Variants in SIL1 observed in about 807,000 individuals in gnomAD.
SIL1 encodes nucleotide exchange factor SIL1.
Under a neutral mutation model 49.1 loss-of-function variants are expected in SIL1, and 40 were observed. The observed-to-expected ratio is 0.81, with a 90% confidence interval of 0.63 to 1.06. The LOEUF is 1.06. Among genes scored for constraint, SIL1 ranks in the 50% least tolerant of loss-of-function variants. The pLI is 0.00. For synonymous variants in SIL1, 253 were observed against 250.8 expected, an observed-to-expected ratio of 1.01 and a Z score of -0.08; for missense variants, 500 against 572.6, an observed-to-expected ratio of 0.87 and a Z score of 1.29.
chr5:138,993,389 T>C (rs1470709097), intron 7 of SIL1, among the ~76,000 whole-genome samples: 1 of 152,158 alleles, frequency 6.6e-6, no homozygotes, highest in Non-Finnish European at 1.5e-5. Context: ...GCTGTTTACA[T>C]GGAAAAAATA....
chr5:139,155,004 A>G (rs2151807732), intron 1 of SIL1, among the ~76,000 whole-genome samples: 1 of 152,356 alleles, frequency 6.6e-6, no homozygotes, highest in South Asian at 2.1e-4. Flanking sequence ...AACAGCAGGT[A>G]AAAGAACAGA....
intron 3 of SIL1, among the ~76,000 whole-genome samples, chr5:139,083,319 C>A (rs1388756430): frequency 6.6e-6 from 1 of 152,016 alleles, no homozygotes; most frequent in Non-Finnish European, 1.5e-5. Flanking sequence ...GTTCCTATTT[C>A]TCCACATCCT....
At chr5:139,052,210 C>T (rs1769304494) in intron 3 of SIL1, among the ~76,000 whole-genome samples, 1 of 124,876 alleles carries the variant, frequency 8.0e-6, no homozygotes, top group African/African-American at 3.7e-5. Flanking sequence ...ATAGAGAACT[C>T]TGAGTTCCAC....
chr5:139,096,456 C>T (rs148449218), intron 3 of SIL1, among the ~76,000 whole-genome samples: 1 of 152,110 alleles, frequency 6.6e-6, no homozygotes, highest in East Asian at 1.9e-4. Context: ...AACACAATCT[C>T]CTAAGACACT....
At chr5:139,129,868 T>G (rs1304721133) in intron 1 of SIL1, among the ~76,000 whole-genome samples, 1 of 152,078 alleles carries the variant, frequency 6.6e-6, no homozygotes, top group Non-Finnish European at 1.5e-5. Flanking sequence ...AAAAGAAAAA[T>G]AGATATATTG....
chr5:139,059,434 C>G (rs1281267817), intron 3 of SIL1, among the ~76,000 whole-genome samples: 5 of 152,182 alleles, frequency 3.3e-5, no homozygotes, highest in Admixed American at 2.0e-4. Context: ...ATAAATTACC[C>G]AGTCTCAGGT....
At position 139,126,671 on chromosome 5, in the gene SIL1, G is replaced by C. The variant is rs187436985; in HGVS notation, c.105+1068C>G. 2.4e-3 allele frequency among the ~76,000 whole-genome samples: 370 copies of C among 152,278 alleles called. 2 individuals are homozygous for C. The highest frequency in any genetic ancestry group is 7.0e-3 in the African/African-American group (291 of 41,544). The stretch of plus-strand genomic sequence containing the variant: ...TCAGAGGGCATTAAAAACTCAAAAG[G>C]ACTCGTGACTCCTAACTGTATGTTT... On this transcript the variant is annotated intron_variant, in intron 2 of 9. Coordinates refer to ENST00000394817, the MANE Select transcript of SIL1 (RefSeq NM_022464.5).
At chr5:138,955,035 A>C (rs1766871877) in intron 7 of SIL1, among the ~76,000 whole-genome samples, 1 of 151,926 alleles carries the variant, frequency 6.6e-6, no homozygotes, top group Admixed American at 6.6e-5. Context: ...AGCACATATC[A>C]TGTATGGCAG....
chr5:139,195,202 G>A (rs1369767804), intron 1 of SIL1, among the ~76,000 whole-genome samples: 1 of 152,058 alleles, frequency 6.6e-6, no homozygotes, highest in Admixed American at 6.6e-5. Context: ...AAAGTGCTGG[G>A]ATTACAGGTG....
At chr5:139,063,965 T>G (rs1364873447) in intron 3 of SIL1, among the ~76,000 whole-genome samples, 1 of 152,242 alleles carries the variant, frequency 6.6e-6, no homozygotes, top group South Asian at 2.1e-4. Context: ...CTCATTTATT[T>G]TCCTCAAACA....
At chr5:139,100,050 T>C (rs546201799) in intron 3 of SIL1, among the ~76,000 whole-genome samples, 1 of 152,328 alleles carries the variant, frequency 6.6e-6, no homozygotes, top group African/African-American at 2.4e-5. Flanking sequence ...CTCATAAATA[T>C]ATACACCTAT....
intron 7 of SIL1, among the ~76,000 whole-genome samples, chr5:138,977,557 C>G (rs1289595266): frequency 6.6e-6 from 1 of 152,036 alleles, no homozygotes; most frequent in African/African-American, 2.4e-5. Context: ...CTCACTGCAG[C>G]CTCAAACTCT....
At chr5:139,060,063 C>T (rs1769550224) in intron 3 of SIL1, among the ~76,000 whole-genome samples, 2 of 152,182 alleles carry the variant, frequency 1.3e-5, no homozygotes, top group Non-Finnish European at 2.9e-5. Flanking sequence ...GTTAGTTCTT[C>T]CCTGTCCAAT....
intron 3 of SIL1, among the ~76,000 whole-genome samples, chr5:139,059,957 A>G (rs1300813524): frequency 3.3e-5 from 5 of 152,192 alleles, no homozygotes; most frequent in Admixed American, 1.3e-4. Context: ...TCCCTGTGAG[A>G]AATACATTTA....
chr5:138,984,423 A>G (rs1386671203), intron 7 of SIL1, among the ~76,000 whole-genome samples: 2 of 144,834 alleles, frequency 1.4e-5, no homozygotes, highest in Non-Finnish European at 3.0e-5. Flanking sequence ...CAGTGGGGTG[A>G]TCTTGGCTCA....
At chr5:139,131,643 C>CG (rs1188731593) in intron 1 of SIL1, 1 of 152,218 alleles carries the variant, frequency 6.6e-6, no homozygotes, top group East Asian at 1.9e-4. Flanking sequence ...CTGAGTGCCA[C>CG]GAGAGCTTCC....
At chr5:139,171,698 A>T (rs889845140) in intron 1 of SIL1, among the ~76,000 whole-genome samples, 45 of 151,002 alleles carry the variant, frequency 3.0e-4, no homozygotes, top group African/African-American at 9.9e-4. Flanking sequence ...AATGATCAAT[A>T]AAAAAAAATA....
chr5:138,994,332 T>A (rs914224961), intron 7 of SIL1, among the ~76,000 whole-genome samples: 11 of 152,162 alleles, frequency 7.2e-5, no homozygotes, highest in Admixed American at 1.3e-4. Context: ...CAACAAACAA[T>A]TATAAAATAA....
intron 5 of SIL1, chr5:139,035,784 G>A (rs1768893440): frequency 5.7e-6 from 1 of 174,146 alleles, no homozygotes. Flanking sequence ...GAGTAGCTGG[G>A]ACTACAGGCG....
Sources: gnomAD v4.1 joint callset for allele counts (sites outside exome capture counted in the v4.1 genomes callset) on GRCh38, gnomAD v4.1.1 for gene constraint, MANE v1.5 for transcripts, NCBI Gene and HGNC (gene_info 2026-07-23, HGNC 2026-07-21) for gene names.